Variants in CATSPERT observed in about 807,000 individuals in gnomAD.
CATSPERT encodes cation channel sperm-associated targeting subunit tau.
chr2:201,582,166 G>A, the CATSPERT span: 2 of 1,608,512 alleles, frequency 1.2e-6, no homozygotes, highest in South Asian at 1.1e-5. Flanking sequence ...TTGTCATATT[G>A]TATGAGTTCC....
chr2:201,487,691 C>T, the CATSPERT span: 2 of 1,614,066 alleles, frequency 1.2e-6, no homozygotes, highest in South Asian at 1.1e-5. Flanking sequence ...ATGAACTAAG[C>T]CTGATGAAAC....
chr2:201,610,947 C>T, the CATSPERT span, among the ~76,000 whole-genome samples: 1 of 151,964 alleles, frequency 6.6e-6, no homozygotes, highest in Admixed American at 6.6e-5. Context: ...AAAAATTCAA[C>T]AAACTGGCAT....
At chr2:201,587,249 A>G in the CATSPERT span, among the ~76,000 whole-genome samples, 1 of 151,958 alleles carries the variant, frequency 6.6e-6, no homozygotes, top group Non-Finnish European at 1.5e-5. Context: ...TTTTGGATAA[A>G]TTTTTTTAAT....
the CATSPERT span, among the ~76,000 whole-genome samples, chr2:201,581,548 G>GTATATA: frequency 8.5e-3 from 82 of 9,632 alleles, 1 homozygote; most frequent in East Asian, 0.019. Context: ...AAAAATGTGT[G>GTATATA]TATATATATA....
chr2:201,496,607 T>A, the CATSPERT span, among the ~76,000 whole-genome samples: 1 of 152,202 alleles, frequency 6.6e-6, no homozygotes, highest in Non-Finnish European at 1.5e-5. Flanking sequence ...CCTCCCAAAG[T>A]GCTGGGATTA....
the CATSPERT span, among the ~76,000 whole-genome samples, chr2:201,500,446 G>A: frequency 6.6e-6 from 1 of 152,124 alleles, no homozygotes; most frequent in Non-Finnish European, 1.5e-5. Context: ...CCCGGGAGGT[G>A]GAGGTTGCAG....
chr2:201,545,078 C>T, the CATSPERT span, among the ~76,000 whole-genome samples: 1 of 152,050 alleles, frequency 6.6e-6, no homozygotes, highest in Admixed American at 6.6e-5. Context: ...CACTCTGTCG[C>T]CCAGGCTGGA....
At chr2:201,531,419 T>G in the CATSPERT span, among the ~76,000 whole-genome samples, 18 of 151,992 alleles carry the variant, frequency 1.2e-4, no homozygotes, top group Non-Finnish European at 1.9e-4. Context: ...TAAGATACAG[T>G]GGTAAATAAG....
At chr2:201,505,103 TG>T in the CATSPERT span, among the ~76,000 whole-genome samples, 713 of 152,198 alleles carry the variant, frequency 4.7e-3, 8 homozygotes, top group African/African-American at 0.016. Context: ...CTTTTTTTTT[TG>T]TTTTGTTTTG....
the CATSPERT span, among the ~76,000 whole-genome samples, chr2:201,601,339 G>A: frequency 6.7e-5 from 10 of 148,634 alleles, no homozygotes; most frequent in Non-Finnish European, 1.3e-4. Flanking sequence ...GACTGACTAA[G>A]TTAATCCTTA....
the CATSPERT span, among the ~76,000 whole-genome samples, chr2:201,608,973 A>C: frequency 7.2e-5 from 11 of 152,276 alleles, no homozygotes; most frequent in African/African-American, 2.4e-4. Flanking sequence ...TACAGAATGA[A>C]AGTAAAGGGA....
At chr2:201,564,584 TTTGGA>T in the CATSPERT span, among the ~76,000 whole-genome samples, 1 of 152,148 alleles carries the variant, frequency 6.6e-6, no homozygotes, top group Admixed American at 6.5e-5. Flanking sequence ...TGTGATGCTA[TTTGGA>T]GGAAGGGCCT....
the CATSPERT span, among the ~76,000 whole-genome samples, chr2:201,515,676 T>C: frequency 6.6e-6 from 1 of 152,202 alleles, no homozygotes; most frequent in East Asian, 1.9e-4. Context: ...TATATAGTCA[T>C]GTGCCATATA....
At chr2:201,586,995 T>C in the CATSPERT span, among the ~76,000 whole-genome samples, 1 of 152,096 alleles carries the variant, frequency 6.6e-6, no homozygotes, top group African/African-American at 2.4e-5. Flanking sequence ...CTCTTTCTCC[T>C]TTCTTCCTTC....
the CATSPERT span, chr2:201,493,452 G>T: frequency 1.3e-6 from 2 of 1,537,208 alleles, no homozygotes; most frequent in Non-Finnish European, 1.7e-6. Flanking sequence ...TAGGAGAAGT[G>T]ATCCCCGTAC....
the CATSPERT span, chr2:201,619,050 GGTGGCGGAC>G: frequency 1.2e-6 from 2 of 1,614,178 alleles, no homozygotes; most frequent in Non-Finnish European, 8.5e-7. Flanking sequence ...GCAATAGCGG[GGTGGCGGAC>G]AGGACTTGGA....
At chr2:201,599,494 G>T in the CATSPERT span, among the ~76,000 whole-genome samples, 1 of 152,014 alleles carries the variant, frequency 6.6e-6, no homozygotes, top group Admixed American at 6.6e-5. Flanking sequence ...ATTTTTGTTA[G>T]ATTGTTAGTG....
chr2:201,519,127 A>G, the CATSPERT span, among the ~76,000 whole-genome samples: 1 of 152,140 alleles, frequency 6.6e-6, no homozygotes, highest in African/African-American at 2.4e-5. Flanking sequence ...CTATGCCCAA[A>G]TCCCATAAGC....
At chr2:201,537,994 C>T in the CATSPERT span, among the ~76,000 whole-genome samples, 11 of 151,964 alleles carry the variant, frequency 7.2e-5, no homozygotes, top group Non-Finnish European at 7.4e-5. Flanking sequence ...AACTACATGA[C>T]TTCGTTCAGC....
Sources: gnomAD v4.1 joint callset for allele counts (sites outside exome capture counted in the v4.1 genomes callset) on GRCh38, gnomAD v4.1.1 for gene constraint, MANE v1.5 for transcripts, NCBI Gene and HGNC (gene_info 2026-07-23, HGNC 2026-07-21) for gene names.